Variants in TMTC2 observed in about 807,000 individuals in gnomAD.
TMTC2 encodes transmembrane O-mannosyltransferase targeting cadherins 2.
In TMTC2, 43 loss-of-function variants were observed where a neutral mutation model predicts 82.4. The ratio of observed to expected loss-of-function variants is 0.52; its 90% CI spans 0.41 to 0.67. The LOEUF (loss-of-function observed/expected upper bound fraction) is 0.67. TMTC2 is among the 30% of genes least tolerant of loss of function. The pLI is 0.00. For synonymous variants in TMTC2, 408 were observed against 381.9 expected, an observed-to-expected ratio of 1.07 and a Z score of -0.80; for missense variants, 919 against 1,012.4, an observed-to-expected ratio of 0.91 and a Z score of 1.25.
chr12:82,980,858 C>T (rs957526218), intron 7 of TMTC2, among the ~76,000 whole-genome samples: 1 of 151,976 alleles, frequency 6.6e-6, no homozygotes, highest in Non-Finnish European at 1.5e-5. Flanking sequence ...TTCTGAAGCA[C>T]GATGTCTATG....
In TMTC2 at chr12:82,989,707, G is replaced by A. The variant is rs182870150; in HGVS notation, c.2070+3661G>A. ...TCAAGCCTGACTACTTAGGCTTCCT[G>A]TACCAAAAATATGATTTTAAAGGCT... On this transcript the variant is annotated intron_variant, in intron 8 of 11. Transcript: ENST00000321196. 5.3e-5 allele frequency among the ~76,000 whole-genome samples: 8 copies of A among 149,792 alleles called. No individual in the cohort carries two copies. The East Asian group carries it at 1.6e-3, about 29-fold the overall frequency.
chr12:83,021,908 T>C (rs1376485813), intron 8 of TMTC2: 1 of 152,120 alleles, frequency 6.6e-6, no homozygotes, highest in Non-Finnish European at 1.5e-5. Flanking sequence ...TACAGCAGCA[T>C]ATACACTAAA....
intron 3 of TMTC2, among the ~76,000 whole-genome samples, chr12:82,897,753 G>C (rs1873754974): frequency 6.6e-6 from 1 of 152,050 alleles, no homozygotes; most frequent in Non-Finnish European, 1.5e-5. Context: ...CTCAACTCCT[G>C]ACCTTAGGTG....
intron 11 of TMTC2, among the ~76,000 whole-genome samples, chr12:83,068,332 G>T (rs772448183): frequency 3.6e-4 from 54 of 152,050 alleles, no homozygotes; most frequent in Non-Finnish European, 5.6e-4. Flanking sequence ...GAAAGATATT[G>T]TTCAACCCTA....
intron 2 of TMTC2, among the ~76,000 whole-genome samples, chr12:82,882,455 C>G (rs2137157520): frequency 6.6e-6 from 1 of 151,408 alleles, no homozygotes; most frequent in Non-Finnish European, 1.5e-5. Context: ...CTAACCATAA[C>G]TCGATCTGTT....
intron 2 of TMTC2, among the ~76,000 whole-genome samples, chr12:82,891,331 G>A (rs1319461298): frequency 6.6e-6 from 1 of 151,966 alleles, no homozygotes; most frequent in African/African-American, 2.4e-5. Flanking sequence ...TTTTTGAGAA[G>A]AAGTTTGGCT....
At chr12:83,048,509 T>G (rs1882222777) in intron 9 of TMTC2, among the ~76,000 whole-genome samples, 1 of 152,210 alleles carries the variant, frequency 6.6e-6, no homozygotes, top group Admixed American at 6.5e-5. Flanking sequence ...TATGAAACTT[T>G]TTGTAGAAAT....
chr12:83,076,881 T>C (rs1883298820), intron 11 of TMTC2, among the ~76,000 whole-genome samples: 1 of 152,328 alleles, frequency 6.6e-6, no homozygotes, highest in Non-Finnish European at 1.5e-5. Context: ...TATTTACAGA[T>C]AAATCATATT....
At chr12:82,752,839 T>A (rs1376420915) in intron 1 of TMTC2, among the ~76,000 whole-genome samples, 2 of 152,042 alleles carry the variant, frequency 1.3e-5, no homozygotes, top group Non-Finnish European at 2.9e-5. Context: ...TTGAGTCACA[T>A]CTCTTCTGTC....
At chr12:83,086,556 T>C (rs1466686750) in intron 11 of TMTC2, among the ~76,000 whole-genome samples, 1 of 152,136 alleles carries the variant, frequency 6.6e-6, no homozygotes, top group Admixed American at 6.5e-5. Context: ...CAGTGAGGTA[T>C]TAATTAACAG....
intron 3 of TMTC2, among the ~76,000 whole-genome samples, chr12:82,921,658 A>C (rs565308505): frequency 5.3e-5 from 8 of 152,286 alleles, no homozygotes; most frequent in Admixed American, 2.0e-4. Context: ...ATATTTGGAA[A>C]CTTCATTGGG....
At chr12:83,079,194 T>C (rs935357548) in intron 11 of TMTC2, among the ~76,000 whole-genome samples, 1 of 152,034 alleles carries the variant, frequency 6.6e-6, no homozygotes, top group African/African-American at 2.4e-5. Flanking sequence ...TCCAAGTTGA[T>C]TTATCATTAT....
chr12:82,799,110 G>A (rs1878871691), intron 1 of TMTC2, among the ~76,000 whole-genome samples: 2 of 152,070 alleles, frequency 1.3e-5, no homozygotes, highest in South Asian at 2.1e-4. Context: ...TACTACCAGG[G>A]AATTATCTGT....
chr12:82,946,999 C>T (rs909167854), intron 4 of TMTC2, among the ~76,000 whole-genome samples: 7 of 152,050 alleles, frequency 4.6e-5, no homozygotes, highest in African/African-American at 1.7e-4. Context: ...TCCTCGGCCT[C>T]CCAAAGTGCT....
chr12:82,700,898 A>T (rs1873044933), intron 1 of TMTC2, among the ~76,000 whole-genome samples: 1 of 152,158 alleles, frequency 6.6e-6, no homozygotes, highest in Admixed American at 6.5e-5. Flanking sequence ...CAGAAGGTGA[A>T]GGAGGAGCAA....
At chr12:82,689,943 T>G (rs2136880952) in intron 1 of TMTC2, among the ~76,000 whole-genome samples, 1 of 152,364 alleles carries the variant, frequency 6.6e-6, no homozygotes, top group South Asian at 2.1e-4. Context: ...TTACACTGAT[T>G]TCTTAGCAGA....
At chr12:82,695,777 C>T (rs1371861666) in intron 1 of TMTC2, among the ~76,000 whole-genome samples, 1 of 152,180 alleles carries the variant, frequency 6.6e-6, no homozygotes, top group African/African-American at 2.4e-5. Flanking sequence ...ATAGGCTTGA[C>T]TGCTTTTCTG....
In TMTC2 at chr12:83,081,136, C is replaced by T. The variant is rs553925600; in HGVS notation, c.2331+19305C>T. On this transcript the variant is annotated intron_variant, in intron 11 of 11. Coordinates refer to ENST00000321196, the MANE Select transcript of TMTC2 (RefSeq NM_152588.3). ...GATTATAAGTCTGTAAAGTTTGCATCTTCAACAGCTTATGCAACAATGTCT... is the reference window on the plus strand; with the variant it reads ...GATTATAAGTCTGTAAAGTTTGCATTTTCAACAGCTTATGCAACAATGTCT... 7.5e-4 allele frequency among the ~76,000 whole-genome samples: 114 copies of T among 152,268 alleles called. 1 individual carries two copies. Among genetic ancestry groups the T allele is most frequent in the Admixed American group, 1.5e-3 (23 of 15,288 alleles).
intron 3 of TMTC2, among the ~76,000 whole-genome samples, chr12:82,921,455 ATTG>A (rs1272760342): frequency 1.3e-5 from 2 of 152,164 alleles, no homozygotes; most frequent in African/African-American, 2.4e-5. Flanking sequence ...AAATACTATT[ATTG>A]TTGTTATTTT....
Sources: allele counts gnomAD v4.1 joint callset (sites outside exome capture counted in the v4.1 genomes callset), GRCh38; gene constraint gnomAD v4.1.1; transcripts MANE v1.5; gene names NCBI Gene and HGNC (gene_info 2026-07-23, HGNC 2026-07-21).